Variants in MTMR3 observed in about 807,000 individuals in gnomAD.
MTMR3 encodes phosphatidylinositol-3,5-bisphosphate 3-phosphatase MTMR3.
Under a neutral mutation model 132.4 loss-of-function variants are expected in MTMR3, and 32 were observed. The observed-to-expected ratio is 0.24, with a 90% CI of 0.18 to 0.32. The LOEUF is 0.32. Among genes scored for constraint, MTMR3 ranks in the 10% least tolerant of loss-of-function variants. MTMR3 has a pLI of 1.00. For missense variants in MTMR3, 1,216 were observed against 1,489.6 expected (o/e 0.82, Z 3.02); for synonymous variants, 556 against 550.3 (o/e 1.01, Z -0.14).
intron 1 of MTMR3, among the ~76,000 whole-genome samples, chr22:29,898,535 C>T (rs1276228058): frequency 3.3e-5 from 5 of 152,014 alleles, no homozygotes; most frequent in East Asian, 3.9e-4. Context: ...CCTGGGTAGC[C>T]GAGACTACAG....
chr22:29,960,472 G>A (rs2066288820), intron 2 of MTMR3, among the ~76,000 whole-genome samples: 1 of 151,978 alleles, frequency 6.6e-6, no homozygotes, highest in Non-Finnish European at 1.5e-5. Flanking sequence ...GCATATGCGC[G>A]AACAAAAAAG....
At chr22:29,961,132 T>A (rs1025013314) in intron 2 of MTMR3, among the ~76,000 whole-genome samples, 1 of 152,128 alleles carries the variant, frequency 6.6e-6, no homozygotes, top group Non-Finnish European at 1.5e-5. Context: ...GTGTTTTTTT[T>A]AAATAGAAGA....
intron 12 of MTMR3, chr22:30,010,212 G>C (rs751529438): frequency 1.3e-5 from 2 of 152,174 alleles, no homozygotes; most frequent in Non-Finnish European, 2.9e-5. Flanking sequence ...GCCGCGAACT[G>C]TGTAACCTTG....
At chr22:29,952,902 TG>T (rs1293952113) in intron 1 of MTMR3, among the ~76,000 whole-genome samples, 3 of 152,190 alleles carry the variant, frequency 2.0e-5, no homozygotes, top group African/African-American at 7.2e-5. Context: ...GTTTCTGATA[TG>T]TGAAAAGTTA....
chr22:30,013,567 T>A, intron 14 of MTMR3, 26 bp downstream of exon 14: 3 of 1,607,882 alleles, frequency 1.9e-6, no homozygotes, highest in Non-Finnish European at 2.6e-6. Context: ...TTGGGGACTT[T>A]CTCAATTTGA....
chr22:30,029,346 A>C lies in MTMR3; in HGVS notation c.*3545A>C, dbSNP rs554681763. 1.6e-3 allele frequency: 247 copies of C among 152,496 alleles called. 1 individual carries two copies. The highest frequency in any genetic ancestry group is 5.7e-3 in the African/African-American group (236 of 41,586). The allele number at this position is 152,496 out of a possible 1,614,324, so 9.4% of individuals were successfully genotyped here. ...GTTACAGCTGCCTTAATCCACTGAG[A>C]TTCTCTATGAGGATGTACAGAAAAG... On this transcript the variant is annotated 3_prime_UTR_variant, in exon 20 of 20. Transcript: ENST00000401950.
intron 1 of MTMR3, among the ~76,000 whole-genome samples, chr22:29,900,212 A>G (rs1712503420): frequency 6.6e-6 from 1 of 152,164 alleles, no homozygotes; most frequent in Admixed American, 6.5e-5. Flanking sequence ...GGAGAGGACA[A>G]AGTTTTAAGG....
At chr22:29,990,488 A>G (rs901005912) in intron 6 of MTMR3, 3 of 152,238 alleles carry the variant, frequency 2.0e-5, no homozygotes, top group Non-Finnish European at 4.4e-5. Flanking sequence ...GATACTGGCT[A>G]CAACTCACAG....
At chr22:30,002,713 G>A in intron 8 of MTMR3, 167 bp from the exon 9 acceptor site, 1 of 560,404 alleles carries the variant, frequency 1.8e-6, no homozygotes, top group South Asian at 2.4e-5. Context: ...AACCCATTCT[G>A]TTGAGGAGTC....
chr22:30,017,680 C>CT (rs985075338), intron 15 of MTMR3: 3 of 449,062 alleles, frequency 6.7e-6, no homozygotes, highest in Non-Finnish European at 1.2e-5. Flanking sequence ...AGAAAGGGAT[C>CT]TAAAAAATAT....
chr22:29,917,996 T>C (rs2065340649), intron 1 of MTMR3, among the ~76,000 whole-genome samples: 1 of 152,250 alleles, frequency 6.6e-6, no homozygotes, highest in South Asian at 2.1e-4. Flanking sequence ...ATTTTGAAAT[T>C]GTAAAATACA....
intron 13 of MTMR3, 158 bp from the exon 14 acceptor site, chr22:30,013,198 T>C (rs1279516618): frequency 3.4e-6 from 2 of 587,382 alleles, no homozygotes; most frequent in Non-Finnish European, 5.9e-6. Flanking sequence ...TCCCTAAGTG[T>C]GTGCCTCATC....
chr22:30,016,428 A>G, intron 14 of MTMR3, 100 bp from the exon 15 acceptor site: 5 of 1,331,470 alleles, frequency 3.8e-6, no homozygotes, highest in Non-Finnish European at 1.0e-6. Context: ...AGTAAATTGA[A>G]GTGTTCTCAG....
chr22:29,994,249 A>G (rs2067017449), intron 7 of MTMR3: 2 of 545,190 alleles, frequency 3.7e-6, no homozygotes, highest in Non-Finnish European at 2.3e-6. Flanking sequence ...CACAGTCCAC[A>G]TTGATGTTAA....
chr22:29,994,825 A>G (rs1196317440), intron 7 of MTMR3: 1 of 152,240 alleles, frequency 6.6e-6, no homozygotes, highest in African/African-American at 2.4e-5. Context: ...TCACAGCTCT[A>G]AGGCTTAATC....
In MTMR3 at chr22:30,020,130, A is replaced by G; in HGVS notation, c.2471A>G (p.Gln824Arg). 6.2e-7 allele frequency: 1 copy of G among 1,614,240 alleles called. No individual in the cohort carries two copies. Among genetic ancestry groups the G allele is most frequent in the Non-Finnish European group, 8.5e-7 (1 of 1,180,040 alleles). Reference sequence around the variant, plus strand: ...GCAAAAGTTGGCTATGGTACCTCACAGTCATGTTCTCTGCTACCTTCCCAA... The same window carrying G: ...GCAAAAGTTGGCTATGGTACCTCACGGTCATGTTCTCTGCTACCTTCCCAA... ...VDAKVGYGTS[Q>R]SCSLLPSQVP... The change falls in exon 17 of 20, where the codon CAG becomes CGG. Residue 824 changes from glutamine (Q) to arginine (R), a missense_variant. By Grantham distance (43) the Gln-to-Arg change is conservative. Around this residue, in one of 7 missense-constraint regions of MTMR3, gnomAD observed 852 missense variants for 852.0 expected, o/e 1.00. Transcript: ENST00000401950.
chr22:29,909,524 T>A (rs924215108), intron 1 of MTMR3, among the ~76,000 whole-genome samples: 1 of 152,158 alleles, frequency 6.6e-6, no homozygotes, highest in Non-Finnish European at 1.5e-5. Flanking sequence ...TTAGTTTCCC[T>A]CTTTATAAAA....
chr22:29,915,261 T>A (rs979915099), intron 1 of MTMR3, among the ~76,000 whole-genome samples: 1 of 152,238 alleles, frequency 6.6e-6, no homozygotes, highest in African/African-American at 2.4e-5. Context: ...CAGGCTACTT[T>A]AACATGAATA....
At chr22:30,024,019 G>C (rs2067838401) in intron 19 of MTMR3, 1 of 154,604 alleles carries the variant, frequency 6.5e-6, no homozygotes, top group Non-Finnish European at 1.4e-5. Flanking sequence ...CATCAGCCAG[G>C]TGCGGTGGCT....
Sources: gnomAD v4.1 joint callset for allele counts (sites outside exome capture counted in the v4.1 genomes callset) on GRCh38, gnomAD v4.1.1 for gene constraint, gnomAD v4.1.1 regional missense constraint, MANE v1.5 for transcripts, NCBI Gene and HGNC (gene_info 2026-07-23, HGNC 2026-07-21) for gene names.